The following GFM2 variants were observed in gnomAD, a reference collection of about 807,000 sequenced individuals.
The protein encoded by GFM2 is ribosome-releasing factor 2, mitochondrial.
A neutral mutation model predicts 95.4 loss-of-function variants in GFM2; 72 were observed. The observed-to-expected ratio is 0.76, with a 90% CI of 0.62 to 0.92. The LOEUF (loss-of-function observed/expected upper bound fraction) is 0.92. GFM2 is among the 40% of genes least tolerant of loss of function. The pLI, the probability that GFM2 is intolerant of heterozygous loss-of-function variation, is 0.00. For missense variants in GFM2, 825 were observed against 924.1 expected, an observed-to-expected ratio of 0.89 and a Z score of 1.39; for synonymous variants, 276 against 317.5, an observed-to-expected ratio of 0.87 and a Z score of 1.39.
chr5:74,762,858 C>T (rs1744353244), intron 2 of GFM2, among the ~76,000 whole-genome samples: 1 of 152,156 alleles, frequency 6.6e-6, no homozygotes. Context: ...GAATGGCACA[C>T]AATTTAAAAC....
intron 19 of GFM2, among the ~76,000 whole-genome samples, chr5:74,723,303 T>A (rs974053571): frequency 6.6e-6 from 1 of 152,224 alleles, no homozygotes; most frequent in South Asian, 2.1e-4. Context: ...TCCAGTCCTG[T>A]ACTCCATTGG....
At chr5:74,761,795 A>G (rs1171069978) in intron 2 of GFM2, among the ~76,000 whole-genome samples, 1 of 152,208 alleles carries the variant, frequency 6.6e-6, no homozygotes, top group Non-Finnish European at 1.5e-5. Flanking sequence ...CCAGACCACT[A>G]GATATACATT....
At chr5:74,747,548 G>T in intron 8 of GFM2, 144 bp downstream of exon 8, 1 of 521,872 alleles carries the variant, frequency 1.9e-6, no homozygotes, top group Non-Finnish European at 3.4e-6. Context: ...TTTTTTTATG[G>T]GAATAAACTG....
intron 7 of GFM2, among the ~76,000 whole-genome samples, chr5:74,748,262 GTTTA>G (rs1743491120): frequency 6.6e-6 from 1 of 152,174 alleles, no homozygotes; most frequent in African/African-American, 2.4e-5. Flanking sequence ...AAAGCAGCCA[GTTTA>G]TTTTTTAGGT....
At chr5:74,765,292 C>G (rs1744506028) in intron 1 of GFM2, 1 of 204,692 alleles carries the variant, frequency 4.9e-6, no homozygotes, top group South Asian at 9.1e-5. Context: ...CTACCCACTG[C>G]TTTCTAGATA....
intron 12 of GFM2, among the ~76,000 whole-genome samples, chr5:74,739,584 C>G (rs1310208581): frequency 6.6e-6 from 1 of 152,094 alleles, no homozygotes; most frequent in Non-Finnish European, 1.5e-5. Context: ...TACTTAAGTA[C>G]AAAGCTTTTA....
intron 17 of GFM2, among the ~76,000 whole-genome samples, chr5:74,729,695 T>TA (rs1750323592): frequency 6.6e-6 from 1 of 150,960 alleles, no homozygotes. Context: ...TTTTTTTTTT[T>TA]AAACAATTTC....
chr5:74,757,844 G>A (rs1032239189), intron 5 of GFM2, among the ~76,000 whole-genome samples: 4 of 151,062 alleles, frequency 2.6e-5, no homozygotes. Context: ...ACCAGTCATA[G>A]AAAGACAAAT....
chr5:74,738,344 T>C lies in GFM2; in HGVS notation c.1294A>G (p.Ile432Val), dbSNP rs1476414328. Residue 432 changes from isoleucine to valine, a missense_variant, in exon 14 of 21, where the codon ATT (isoleucine) becomes GTT (valine). By Grantham distance (29) the Ile-to-Val change is conservative (BLOSUM62 3). Coordinates refer to ENST00000296805, the MANE Select transcript of GFM2 (RefSeq NM_032380.5). ...TGTTTAAGCCCAACAGTCAAAGCAA[T>C]GTTACCAGCAGTCAATGAAGGGATT... ...VEIPSLTAGN[I>V]ALTVGLKHTA... 1.9e-6 allele frequency: 3 copies of C among 1,613,260 alleles called. No individual in the cohort carries two copies. Among genetic ancestry groups the C allele is most frequent in the Admixed American group, 1.7e-5 (1 of 59,942 alleles).
intron 14 of GFM2, among the ~76,000 whole-genome samples, chr5:74,738,037 C>T (rs558577089): frequency 1.3e-5 from 2 of 152,172 alleles, no homozygotes; most frequent in East Asian, 3.9e-4. Flanking sequence ...ACTTAAAACA[C>T]ACATATATGT....
At chr5:74,730,845 C>T (rs11951326) in intron 16 of GFM2, 3,670 of 153,416 alleles carry the variant, frequency 0.024, 154 homozygotes, top group African/African-American at 0.084. Flanking sequence ...TGGAGTTTCG[C>T]TCTTGTTGCC....
At chr5:74,763,958 T>C (rs1468865248) in intron 1 of GFM2, among the ~76,000 whole-genome samples, 192 bp from the exon 2 acceptor site, 1 of 152,090 alleles carries the variant, frequency 6.6e-6, no homozygotes, top group Non-Finnish European at 1.5e-5. Context: ...ATATGAGAAA[T>C]ATGGTTTTTA....
chr5:74,722,488 A>C lies in GFM2; in HGVS notation c.2102T>G (p.Leu701Arg), dbSNP rs1389333855. 1 of 1,614,024 alleles carries C rather than the reference A, an allele frequency of 6.2e-7. No individual in the cohort carries two copies. The highest frequency in any genetic ancestry group is 1.7e-5 in the Admixed American group (1 of 60,026). The stretch of plus-strand genomic sequence containing the variant: ...TGCCAGATCTGCCAGGACAGGGCTG[A>C]GATAATCTCTAGCTACTGTAACCTC... ...NLEVTVARDY[L>R]SPVLADLAQR... The change falls in exon 20 of 21, where the codon CTC (leucine) becomes CGC (arginine). Residue 701 changes from leucine (L) to arginine (R), a missense_variant. Leu to Arg is a moderately radical substitution (Grantham distance 102). Transcript: ENST00000296805.
Position 74,750,639 on chromosome 5 carries a change from C to T in GFM2, c.459G>A (p.Glu153=), listed in dbSNP as rs17852781. The T allele has an allele frequency of 0.11, 181,943 of 1,611,130 alleles. 11,879 individuals carry two copies. The highest frequency in any genetic ancestry group is 0.24 in the Admixed American group (14,262 of 59,812). Residue 153 remains glutamate (E), a synonymous_variant, in exon 7 of 21, where the codon GAG becomes GAA. Transcript: ENST00000296805. The part of the protein sequence containing the change: ...PGHVDFTLEV[E]RCLRVLDGAV... The stretch of plus-strand genomic sequence containing the variant: ...CACCATCCAACACTCTTAGGCACCG[C>T]TCAACCTCCAAGGTAAAGTCCACAT...
At position 74,758,933 on chromosome 5, in the gene GFM2, C is replaced by G; in HGVS notation, c.220G>C (p.Gly74Arg). 1 of 1,601,964 alleles carries G rather than the reference C, an allele frequency of 6.2e-7. No individual in the cohort carries two copies. Among genetic ancestry groups the G allele is most frequent in the Non-Finnish European group, 8.6e-7 (1 of 1,169,474 alleles). ...NPPIAKIRNI[G>R]IMAHIDAGKT... Reference sequence around the variant, plus strand: ...CCTGCATCAATATGAGCCATAATTCCAATATTACGGATTCTGTTTAAAAGG... The same window carrying G: ...CCTGCATCAATATGAGCCATAATTCGAATATTACGGATTCTGTTTAAAAGG... The change falls in exon 5 of 21, where the codon GGA becomes CGA. Residue 74 changes from glycine to arginine, a missense_variant. Coordinates refer to ENST00000296805, the MANE Select transcript of GFM2 (RefSeq NM_032380.5).
chr5:74,744,778 T>G (rs1312846492), intron 10 of GFM2, among the ~76,000 whole-genome samples: 1 of 152,176 alleles, frequency 6.6e-6, no homozygotes, highest in East Asian at 1.9e-4. Flanking sequence ...TACAAAAATG[T>G]TCATAGCCAC....
At chr5:74,744,090 T>C (rs1743245879) in intron 10 of GFM2, among the ~76,000 whole-genome samples, 1 of 152,198 alleles carries the variant, frequency 6.6e-6, no homozygotes, top group Non-Finnish European at 1.5e-5. Context: ...GATTTCGTCA[T>C]TCTACCAACA....
chr5:74,730,222 A>G (rs542482804), intron 17 of GFM2, 38 bp downstream of exon 17: 9 of 1,568,950 alleles, frequency 5.7e-6, no homozygotes, highest in African/African-American at 1.4e-5. Context: ...AAAGACAGAA[A>G]GAGAGAAAAA....
intron 10 of GFM2, among the ~76,000 whole-genome samples, chr5:74,744,874 A>G (rs1198290860): frequency 6.6e-6 from 1 of 152,252 alleles, no homozygotes; most frequent in Non-Finnish European, 1.5e-5. Flanking sequence ...ATCATATATT[A>G]TAACAATATA....
Sources: allele counts gnomAD v4.1 joint callset (sites outside exome capture counted in the v4.1 genomes callset), GRCh38; gene constraint gnomAD v4.1.1; transcripts MANE v1.5; gene names NCBI Gene and HGNC (gene_info 2026-07-23, HGNC 2026-07-21).